The following CSMD2 variants were observed in gnomAD, a reference collection of about 807,000 sequenced individuals.
The protein encoded by CSMD2 is CUB and sushi domain-containing protein 2.
A neutral mutation model predicts 398.5 loss-of-function variants in CSMD2; 130 were observed. That is an observed-to-expected ratio of 0.33 (90% CI 0.28 to 0.38). The LOEUF (loss-of-function observed/expected upper bound fraction) is 0.38, where lower values mean the gene tolerates loss of function less well. CSMD2 is among the 10% of genes least tolerant of loss of function. The pLI is 1.00. For missense variants in CSMD2, 3,829 were observed against 4,764.9 expected, an observed-to-expected ratio of 0.80 and a Z score of 5.78; for synonymous variants, 1,828 against 1,908.5, an observed-to-expected ratio of 0.96 and a Z score of 1.10.
At chr1:33,574,200 C>A (rs1318693485) in intron 49 of CSMD2, among the ~76,000 whole-genome samples, 1 of 151,824 alleles carries the variant, frequency 6.6e-6, no homozygotes, top group Non-Finnish European at 1.5e-5. Context: ...CAGGAAAGGA[C>A]AATATATGAG....
Position 33,724,617 on chromosome 1 carries a change from A to T in CSMD2, c.2783T>A (p.Leu928Gln). The T allele has an allele frequency of 6.2e-7, 1 of 1,614,194 alleles. No homozygotes were observed. The highest frequency in any genetic ancestry group is 1.6e-4 in the Middle Eastern group (1 of 6,062). Residue 928 changes from leucine (L) to glutamine (Q), a missense_variant, in exon 18 of 71, where the codon CTG (leucine) becomes CAG (glutamine). Leu to Gln is a moderately radical substitution (Grantham distance 113, BLOSUM62 -2). This residue lies in a region of CSMD2 where 2,001 missense variants were observed against 2,567.1 expected (regional missense o/e 0.78). Transcript: ENST00000373381. ...RHGNDFYVGA[L>Q]VTFSCDSGYT... is the part of the protein sequence containing the mutation. Reference sequence around the variant, plus strand: ...GCCCGAGTCACAGCTGAAGGTCACCAGCGCGCCCACGTAGAAGTCATTCCC... The same window carrying T: ...GCCCGAGTCACAGCTGAAGGTCACCTGCGCGCCCACGTAGAAGTCATTCCC...
chr1:33,706,125 G>T (rs983795400), intron 22 of CSMD2, among the ~76,000 whole-genome samples: 5 of 152,028 alleles, frequency 3.3e-5, no homozygotes, highest in Non-Finnish European at 2.9e-5. Flanking sequence ...GACTTACAGA[G>T]GTATATTAAA....
chr1:33,893,107 T>C (rs1408960118), intron 5 of CSMD2, among the ~76,000 whole-genome samples: 1 of 152,204 alleles, frequency 6.6e-6, no homozygotes, highest in African/African-American at 2.4e-5. Context: ...TCCATCCAAT[T>C]CCCACATCAC....
intron 3 of CSMD2, among the ~76,000 whole-genome samples, chr1:33,950,155 C>T (rs1644958656): frequency 6.6e-6 from 1 of 152,116 alleles, no homozygotes; most frequent in South Asian, 2.1e-4. Context: ...TTGGAGATAG[C>T]CTCCTCATTG....
intron 5 of CSMD2, chr1:33,882,301 G>A (rs925763480): frequency 1.3e-5 from 2 of 152,272 alleles, no homozygotes; most frequent in African/African-American, 4.8e-5. Flanking sequence ...GGTGGCCAGA[G>A]GTAATTGAGT....
At chr1:34,028,829 C>CG (rs1650039043) in intron 3 of CSMD2, among the ~76,000 whole-genome samples, 1 of 152,210 alleles carries the variant, frequency 6.6e-6, no homozygotes, top group Non-Finnish European at 1.5e-5. Flanking sequence ...CTCTTGCCCC[C>CG]GGGGATTACA....
intron 3 of CSMD2, among the ~76,000 whole-genome samples, chr1:34,016,876 T>C (rs1372275082): frequency 1.3e-5 from 2 of 152,220 alleles, no homozygotes; most frequent in African/African-American, 4.8e-5. Context: ...GCTTGTAGGC[T>C]TTGGTGCTCC....
In CSMD2 at chr1:33,993,967, A is replaced by G. The variant is rs565524168; in HGVS notation, c.517+38627T>C. ...GTAAGTCCAATGTGTCTAGCTTATA[A>G]CCACCTCTAAATGTGAATGGGTTAA... On this transcript the variant is annotated intron_variant, in intron 3 of 70. Coordinates refer to ENST00000373381, the MANE Select transcript of CSMD2 (RefSeq NM_001281956.2). Among the ~76,000 whole-genome samples, 3 of 152,232 alleles carry G rather than the reference A, an allele frequency of 2.0e-5. No homozygotes were observed. In the East Asian group the frequency reaches 5.8e-4, roughly 29 times the overall value.
chr1:33,788,513 A>C (rs1226724928), intron 12 of CSMD2, 87 bp downstream of exon 12: 1 of 788,300 alleles, frequency 1.3e-6, no homozygotes. Context: ...GTCTCAAAAA[A>C]AAAAAAAAAA....
chr1:33,753,447 G>A lies in CSMD2; in HGVS notation c.1847-9841C>T, dbSNP rs533311066. 5.9e-5 allele frequency among the ~76,000 whole-genome samples: 9 copies of A among 152,336 alleles called. No homozygotes were observed. The East Asian group carries it at 1.4e-3, about 23-fold the overall frequency. ...CCATAAGCCTTAGCAGCTTTCATGCGATATTAAGCCTGTGGGTGCACAGCA... is the reference window on the plus strand; with the variant it reads ...CCATAAGCCTTAGCAGCTTTCATGCAATATTAAGCCTGTGGGTGCACAGCA... On this transcript the variant is annotated intron_variant, in intron 13 of 70. Coordinates refer to ENST00000373381, the MANE Select transcript of CSMD2 (RefSeq NM_001281956.2).
At chr1:33,846,349 AT>A (rs1236770259) in intron 6 of CSMD2, among the ~76,000 whole-genome samples, 1 of 152,194 alleles carries the variant, frequency 6.6e-6, no homozygotes, top group African/African-American at 2.4e-5. Context: ...CCCTAAAGTG[AT>A]TTTGGAATAT....
intron 3 of CSMD2, among the ~76,000 whole-genome samples, chr1:33,963,122 A>G (rs1645425821): frequency 6.6e-6 from 1 of 152,236 alleles, no homozygotes; most frequent in African/African-American, 2.4e-5. Context: ...CCTGGATCCA[A>G]CAACAGTGTC....
chr1:33,657,253 C>T (rs934823909), intron 27 of CSMD2, among the ~76,000 whole-genome samples: 2 of 152,106 alleles, frequency 1.3e-5, no homozygotes, highest in African/African-American at 4.8e-5. Context: ...ATCACTTGAG[C>T]CCAGGAGTTC....
chr1:33,709,147 CCTGGCTGGGTCTGG>C lies in CSMD2; in HGVS notation c.3504_3517del (p.Ile1168MetfsTer23). 1 of 1,614,114 alleles carries C rather than the reference CCTGGCTGGGTCTGG, an allele frequency of 6.2e-7. No homozygotes were observed. The highest frequency in any genetic ancestry group is 8.5e-7 in the Non-Finnish European group (1 of 1,180,000). ...CCTGGCTTTCAGCTGAATTCCCTTC[CCTGGCTGGGTCTGG>C]ATGGAGTAGATGCATTCATGATTGT... On this transcript the variant is annotated frameshift_variant, in exon 22 of 71. Coordinates refer to ENST00000373381, the MANE Select transcript of CSMD2 (RefSeq NM_001281956.2). LOFTEE classifies it high-confidence loss of function.
chr1:33,581,805 T>A (rs535682015), intron 47 of CSMD2, among the ~76,000 whole-genome samples: 29 of 152,130 alleles, frequency 1.9e-4, no homozygotes, highest in African/African-American at 6.5e-4. Context: ...TAACACAGGA[T>A]TTATCACTCT....
At chr1:34,110,764 G>A (rs74345111) in intron 1 of CSMD2, among the ~76,000 whole-genome samples, 3,782 of 152,060 alleles carry the variant, frequency 0.025, 67 homozygotes, top group African/African-American at 0.039. Context: ...ACGGGAGGAG[G>A]GAGAGGATCC....
chr1:34,117,800 T>G (rs1661757138), intron 1 of CSMD2, among the ~76,000 whole-genome samples: 1 of 152,194 alleles, frequency 6.6e-6, no homozygotes, highest in Non-Finnish European at 1.5e-5. Context: ...ATGTTTGAAA[T>G]GCAAAAATTT....
intron 10 of CSMD2, among the ~76,000 whole-genome samples, chr1:33,802,537 C>G (rs1298046474): frequency 6.6e-6 from 1 of 152,172 alleles, no homozygotes; most frequent in African/African-American, 2.4e-5. Flanking sequence ...ACATTCCTAG[C>G]TCCTTGCCAA....
intron 13 of CSMD2, among the ~76,000 whole-genome samples, chr1:33,762,955 T>C (rs189169903): frequency 1.3e-5 from 2 of 152,270 alleles, no homozygotes; most frequent in Non-Finnish European, 2.9e-5. Context: ...GGACCATGCA[T>C]CTCACTCCTT....
Sources: gnomAD v4.1 joint callset for allele counts (sites outside exome capture counted in the v4.1 genomes callset) on GRCh38, gnomAD v4.1.1 for gene constraint, gnomAD v4.1.1 regional missense constraint, MANE v1.5 for transcripts, NCBI Gene and HGNC (gene_info 2026-07-23, HGNC 2026-07-21) for gene names.